HPSE2: variants seen among roughly 807,000 people sequenced by gnomAD.
The protein encoded by HPSE2 is heparanase 2 (inactive), also known as inactive heparanase-2.
A neutral mutation model predicts 60.5 loss-of-function variants in HPSE2; 38 were observed. The observed-to-expected ratio is 0.63, with a 90% CI of 0.48 to 0.82. The LOEUF is 0.82. Ranked by LOEUF, HPSE2 falls within the 40% of genes least tolerant of loss-of-function variation. HPSE2 has a pLI of 0.00. For synonymous variants in HPSE2, 295 were observed against 293.2 expected (o/e 1.01, Z -0.06); for missense variants, 713 against 740.4 (o/e 0.96, Z 0.43).
intron 3 of HPSE2, among the ~76,000 whole-genome samples, chr10:98,758,823 T>C (rs367836868): frequency 7.9e-5 from 12 of 152,280 alleles, no homozygotes; most frequent in East Asian, 3.9e-4. Context: ...GACACAGTAA[T>C]CCCTTTACTG....
chr10:98,477,060 CA>C (rs895951968), intron 11 of HPSE2, among the ~76,000 whole-genome samples: 187 of 152,196 alleles, frequency 1.2e-3, no homozygotes, highest in African/African-American at 4.0e-3. Context: ...GAGTAAGGGT[CA>C]GGGGAACTGG....
At chr10:98,957,804 T>A (rs757365355) in intron 3 of HPSE2, among the ~76,000 whole-genome samples, 38 of 152,138 alleles carry the variant, frequency 2.5e-4, no homozygotes, top group Non-Finnish European at 4.7e-4. Context: ...AATCTTAAAT[T>A]CCCTCAAAAT....
intron 3 of HPSE2, among the ~76,000 whole-genome samples, chr10:99,064,623 A>C (rs1026396836): frequency 7.6e-6 from 1 of 131,578 alleles, no homozygotes; most frequent in African/African-American, 2.7e-5. Context: ...ATATATATAT[A>C]TCTCCCGTAA....
At chr10:99,109,401 C>T (rs185344869) in intron 3 of HPSE2, among the ~76,000 whole-genome samples, 43 of 151,958 alleles carry the variant, frequency 2.8e-4, no homozygotes, top group African/African-American at 8.9e-4. Context: ...TTATGAGTTG[C>T]TTGGAATTAT....
intron 2 of HPSE2, among the ~76,000 whole-genome samples, chr10:99,158,028 A>G (rs1055018033): frequency 6.8e-6 from 1 of 146,410 alleles, no homozygotes; most frequent in African/African-American, 2.5e-5. Flanking sequence ...GCCATCAAAG[A>G]AATGCAAATC....
At chr10:99,124,560 C>T (rs1357822179) in intron 3 of HPSE2, among the ~76,000 whole-genome samples, 14 of 152,234 alleles carry the variant, frequency 9.2e-5, no homozygotes, top group Admixed American at 9.2e-4. Context: ...CACCCAAAGT[C>T]CAGAGGGGGC....
At chr10:99,243,275 C>T in the HPSE2 span, among the ~76,000 whole-genome samples, 1 of 151,930 alleles carries the variant, frequency 6.6e-6, no homozygotes, top group Non-Finnish European at 1.5e-5. Context: ...ATTGCTTGAA[C>T]CCAGGAGGCG....
chr10:99,032,361 A>G (rs932449598), intron 3 of HPSE2, among the ~76,000 whole-genome samples: 2 of 152,172 alleles, frequency 1.3e-5, no homozygotes, highest in Admixed American at 1.3e-4. Context: ...AAAATCAGAA[A>G]ATCATACCAT....
chr10:99,313,580 T>C, the HPSE2 span, among the ~76,000 whole-genome samples: 1 of 147,976 alleles, frequency 6.8e-6, no homozygotes. Context: ...GGGTTTGAGA[T>C]GACTGACTCC....
chr10:99,172,730 T>C (rs1042200674), intron 2 of HPSE2, among the ~76,000 whole-genome samples: 1 of 151,970 alleles, frequency 6.6e-6, no homozygotes, highest in African/African-American at 2.4e-5. Flanking sequence ...ATACAAAAAT[T>C]AGCCAGGTGT....
At chr10:99,224,488 G>A (rs750678827) in intron 2 of HPSE2, among the ~76,000 whole-genome samples, 1 of 151,534 alleles carries the variant, frequency 6.6e-6, no homozygotes, top group Non-Finnish European at 1.5e-5. Context: ...CTTACAGACT[G>A]AGATAGCTGA....
intron 3 of HPSE2, among the ~76,000 whole-genome samples, chr10:98,812,769 G>A (rs1951197567): frequency 6.6e-6 from 1 of 152,032 alleles, no homozygotes; most frequent in African/African-American, 2.4e-5. Flanking sequence ...AAGCAATATT[G>A]CTCAACTTCT....
the HPSE2 span, among the ~76,000 whole-genome samples, chr10:99,293,206 G>T: frequency 6.6e-6 from 1 of 151,866 alleles, no homozygotes. Context: ...ATAGTAACAT[G>T]GGAAGTAAAC....
chr10:98,510,124 T>C (rs553772762), intron 9 of HPSE2, among the ~76,000 whole-genome samples: 13 of 152,216 alleles, frequency 8.5e-5, no homozygotes, highest in Non-Finnish European at 1.8e-4. Flanking sequence ...CTGAAGTTTT[T>C]TTAATCACAT....
chr10:99,286,980 C>G, the HPSE2 span, among the ~76,000 whole-genome samples: 2 of 152,150 alleles, frequency 1.3e-5, no homozygotes, highest in African/African-American at 4.8e-5. Flanking sequence ...TTGAAATTCA[C>G]CCTCTTAATC....
the HPSE2 span, among the ~76,000 whole-genome samples, chr10:99,242,227 C>A: frequency 6.6e-6 from 1 of 152,124 alleles, no homozygotes; most frequent in Non-Finnish European, 1.5e-5. Flanking sequence ...ATTGGCAGCT[C>A]TACTGACTAC....
rs928952928 is a variant in HPSE2 at position 98,983,915 on chromosome 10, C to G, written c.610+160323G>C. ...CATTGCTAGCACAGCAGTCTGAGATCGAACTGCAAGGCAGCAGCCAGGCTC... is the reference window on the plus strand; with the variant it reads ...CATTGCTAGCACAGCAGTCTGAGATGGAACTGCAAGGCAGCAGCCAGGCTC... On this transcript the variant is annotated intron_variant, in intron 3 of 11. Transcript: ENST00000370552. Among the ~76,000 whole-genome samples the G allele has an allele frequency of 2.0e-5, 3 of 152,180 alleles. 1 individual carries two copies. The highest frequency in any genetic ancestry group is 4.4e-5 in the Non-Finnish European group (3 of 68,042).
intron 7 of HPSE2, among the ~76,000 whole-genome samples, chr10:98,636,454 G>A (rs1045586299): frequency 6.6e-6 from 1 of 152,014 alleles, no homozygotes; most frequent in African/African-American, 2.4e-5. Flanking sequence ...TGGCCAGGCT[G>A]GTCTCAAACT....
chr10:98,505,908 A>G (rs958928358), intron 9 of HPSE2, among the ~76,000 whole-genome samples: 6 of 152,002 alleles, frequency 3.9e-5, no homozygotes, highest in Non-Finnish European at 5.9e-5. Flanking sequence ...CACTGTTTTA[A>G]TTACCATTGT....
Sources: gnomAD v4.1 joint callset for allele counts (sites outside exome capture counted in the v4.1 genomes callset) on GRCh38, gnomAD v4.1.1 for gene constraint, MANE v1.5 for transcripts, NCBI Gene and HGNC (gene_info 2026-07-23, HGNC 2026-07-21) for gene names.